The following PRCP variants were observed in gnomAD, a reference collection of about 807,000 sequenced individuals.
The protein encoded by PRCP is prolylcarboxypeptidase.
Under a neutral mutation model 54.2 loss-of-function variants are expected in PRCP, and 46 were observed. The observed-to-expected ratio is 0.85, with a 90% CI of 0.67 to 1.09. The LOEUF (loss-of-function observed/expected upper bound fraction) is 1.09. Ranked by LOEUF, PRCP falls within the 50% of genes least tolerant of loss-of-function variation. The pLI is 0.00. For synonymous variants in PRCP, 240 were observed against 212.2 expected (o/e 1.13, Z -1.14); for missense variants, 613 against 596.8 (o/e 1.03, Z -0.28).
chr11:82,854,572 A>G (rs1219181928), intron 2 of PRCP, among the ~76,000 whole-genome samples: 1 of 152,222 alleles, frequency 6.6e-6, no homozygotes, highest in East Asian at 1.9e-4. Flanking sequence ...TAAAATGGCC[A>G]TACTCCCCAA....
chr11:82,838,484 C>A lies in PRCP; in HGVS notation c.1177G>T (p.Asp393Tyr), dbSNP rs1182755784. 1 of 1,613,960 alleles carries A rather than the reference C, an allele frequency of 6.2e-7. No homozygotes were observed. Among genetic ancestry groups the A allele is most frequent in the Non-Finnish European group, 8.5e-7 (1 of 1,179,952 alleles). The change falls in exon 8 of 9, where the codon GAC (aspartate) becomes TAC (tyrosine). Residue 393 changes from aspartate (D) to tyrosine (Y), a missense_variant. Physicochemically the swap from Asp to Tyr is radical, Grantham distance 160. Transcript: ENST00000313010. The stretch of plus-strand genomic sequence containing the variant: ...CTCACACCCCACTGTTGAAAACAGT[C>A]ATCAGAAAGTTCCTTTAAGTTCCAT... ...HSWNLKELSD[D>Y]CFQQWGVRPR... is the part of the protein sequence containing the mutation.
At chr11:82,845,901 A>G (rs1272432362) in intron 6 of PRCP, 1 of 152,182 alleles carries the variant, frequency 6.6e-6, no homozygotes, top group Non-Finnish European at 1.5e-5. Flanking sequence ...TTCTGCATGA[A>G]TGTTGCAGCT....
chr11:82,850,341 A>C lies in PRCP; in HGVS notation c.576T>G (p.Tyr192Ter), dbSNP rs201119561. The C allele has an allele frequency of 6.3e-6, 10 of 1,576,522 alleles. No individual in the cohort carries two copies. In the East Asian group the frequency reaches 1.8e-4, roughly 29 times the overall value. ...GCACTTACCCAACTACCATATGAGGATATTTCATCCTAAACCAGGCGGCAA... is the reference window on the plus strand; with the variant it reads ...GCACTTACCCAACTACCATATGAGGCTATTTCATCCTAAACCAGGCGGCAA... Reference protein sequence around the residue: ...GMLAAWFRMKYPHMVVGALAA... With the variant: ...GMLAAWFRMK The change falls in exon 4 of 9, where the codon TAT becomes TAG. Residue 192 changes from tyrosine (Y) to a stop codon, truncating the protein, a stop_gained. Transcript: ENST00000313010. LOFTEE classifies it high-confidence loss of function.
intron 2 of PRCP, 116 bp downstream of exon 2, chr11:82,859,861 C>T: frequency 9.5e-7 from 1 of 1,047,502 alleles, no homozygotes. Context: ...TTATTTTTTA[C>T]AGAACTTTAC....
chr11:82,864,326 GC>G (rs1226890365), intron 1 of PRCP, among the ~76,000 whole-genome samples: 1 of 152,182 alleles, frequency 6.6e-6, no homozygotes, highest in East Asian at 1.9e-4. Flanking sequence ...TCAACTTCTG[GC>G]TAGATAACTA....
At chr11:82,890,713 C>T (rs1022691101) in intron 1 of PRCP, among the ~76,000 whole-genome samples, 3 of 152,250 alleles carry the variant, frequency 2.0e-5, no homozygotes, top group Admixed American at 6.5e-5. Flanking sequence ...ATGAGGCTTT[C>T]GCCTCCACTC....
intron 1 of PRCP, among the ~76,000 whole-genome samples, chr11:82,885,785 A>T (rs1859849925): frequency 6.6e-6 from 1 of 152,176 alleles, no homozygotes; most frequent in African/African-American, 2.4e-5. Flanking sequence ...ACTTTTACAC[A>T]AACTCTATAA....
chr11:82,826,565 TC>T (rs1472629676), intron 8 of PRCP: 2 of 152,214 alleles, frequency 1.3e-5, no homozygotes, highest in African/African-American at 4.8e-5. Context: ...CATTTTATAT[TC>T]CCAGTAGCAA....
At chr11:82,896,663 A>T (rs1860125957) in intron 1 of PRCP, among the ~76,000 whole-genome samples, 1 of 134,148 alleles carries the variant, frequency 7.5e-6, no homozygotes, top group Non-Finnish European at 1.5e-5. Flanking sequence ...TGGGCAACAG[A>T]GCGAGACTCC....
chr11:82,882,496 T>TAAAATACTGAAATATTTCCATA (rs1565234158), intron 1 of PRCP, among the ~76,000 whole-genome samples: 1 of 143,580 alleles, frequency 7.0e-6, no homozygotes, highest in African/African-American at 2.6e-5. Context: ...AGCCAGTTCT[T>TAAAATACTGAAATATTTCCATA]TTTTTTTTTT....
chr11:82,850,154 T>A (rs1183124467), intron 4 of PRCP, 83 bp from the exon 5 acceptor site: 6 of 916,380 alleles, frequency 6.5e-6, no homozygotes, highest in South Asian at 5.7e-5. Context: ...TAAATCAAGT[T>A]TTAAAGTTGA....
chr11:82,840,536 TAATAA>T (rs1267723501), intron 6 of PRCP: 3 of 152,208 alleles, frequency 2.0e-5, no homozygotes, highest in African/African-American at 4.8e-5. Flanking sequence ...AAATCAAATA[TAATAA>T]AATATTATTT....
intron 1 of PRCP, among the ~76,000 whole-genome samples, chr11:82,881,241 A>G (rs1320928521): frequency 6.6e-6 from 1 of 152,248 alleles, no homozygotes; most frequent in Non-Finnish European, 1.5e-5. Context: ...AATTATTTCT[A>G]TTAAGAAATC....
chr11:82,891,303 GAGCACTTCTC>G (rs749094170), intron 1 of PRCP, among the ~76,000 whole-genome samples: 4 of 152,042 alleles, frequency 2.6e-5, no homozygotes, highest in Non-Finnish European at 5.9e-5. Flanking sequence ...TCCAGAATCT[GAGCACTTCTC>G]AGCCTCCACC....
chr11:82,824,914 G>T lies in PRCP; in HGVS notation c.1483C>A (p.Gln495Lys), dbSNP rs778629984. ...IRDFYDSAGKQH is the reference protein window; with the variant it reads ...IRDFYDSAGKKH The stretch of plus-strand genomic sequence containing the variant: ...AAACAATCAAAAGTTTCTCAGTGCT[G>T]CTTTCCCGCACTGTCATAGAAATCT... The change falls in exon 9 of 9, where the codon CAG becomes AAG. Residue 495 changes from glutamine to lysine, a missense_variant. Coordinates refer to ENST00000313010, the MANE Select transcript of PRCP (RefSeq NM_005040.4). 8.1e-6 allele frequency: 13 copies of T among 1,613,562 alleles called. No homozygotes were observed. The highest frequency in any genetic ancestry group is 1.1e-5 in the South Asian group (1 of 90,990).
chr11:82,834,541 A>G (rs570871583), intron 8 of PRCP, among the ~76,000 whole-genome samples: 1 of 152,320 alleles, frequency 6.6e-6, no homozygotes, highest in East Asian at 1.9e-4. Flanking sequence ...GGGGACAGGT[A>G]TCCTGCTGGA....
rs369020053 is a variant in PRCP at position 82,849,005 on chromosome 11, A to C, written c.921+44T>G. On this transcript the variant is annotated intron_variant, in intron 6 of 8. Transcript: ENST00000313010. ...AAGTCAGAGTATGCACATTAAAAAA[A>C]AAGTGTGTTATTAAAAAATGATGAC... is the stretch of plus-strand genomic sequence containing the variant. The C allele has an allele frequency of 4.2e-5, 66 of 1,577,254 alleles. 2 individuals are homozygous for C. The East Asian group carries it at 5.6e-4, about 13-fold the overall frequency.
intron 1 of PRCP, 65 bp downstream of exon 1, chr11:82,900,170 G>T: frequency 1.3e-6 from 2 of 1,570,128 alleles, no homozygotes; most frequent in Non-Finnish European, 1.7e-6. Flanking sequence ...TCCGTTGCCC[G>T]GGCTCTGAGG....
chr11:82,836,849 C>T (rs1858540206), intron 8 of PRCP: 1 of 372,650 alleles, frequency 2.7e-6, no homozygotes, highest in Non-Finnish European at 5.4e-6. Context: ...CATCCAGCCT[C>T]CTTGCATTTT....
Sources: gnomAD v4.1 joint callset for allele counts (sites outside exome capture counted in the v4.1 genomes callset) on GRCh38, gnomAD v4.1.1 for gene constraint, MANE v1.5 for transcripts, NCBI Gene and HGNC (gene_info 2026-07-23, HGNC 2026-07-21) for gene names.